Variants in EARS2 observed in about 807,000 individuals in gnomAD.
The protein encoded by EARS2 is nondiscriminating glutamyl-tRNA synthetase EARS2, mitochondrial.
EARS2 carries 50 observed loss-of-function variants against 54.1 expected under a neutral mutation model. The ratio of observed to expected loss-of-function variants is 0.92; its 90% CI spans 0.74 to 1.17. The LOEUF is 1.17. Among genes scored for constraint, EARS2 ranks in the 50% most tolerant of loss-of-function variants. EARS2 has a pLI of 0.00. For missense variants in EARS2, 673 were observed against 675.0 expected, an observed-to-expected ratio of 1.00 and a Z score of 0.03; for synonymous variants, 298 against 281.0, an observed-to-expected ratio of 1.06 and a Z score of -0.61.
At chr16:23,544,486 G>A in intron 3 of EARS2, 28 bp downstream of exon 3, 1 of 1,602,722 alleles carries the variant, frequency 6.2e-7, no homozygotes. Context: ...ATGTTGATGA[G>A]GCATCTGCAA....
At chr16:23,541,679 T>C (rs1965514393) in intron 3 of EARS2, among the ~76,000 whole-genome samples, 1 of 147,770 alleles carries the variant, frequency 6.8e-6, no homozygotes, top group Non-Finnish European at 1.5e-5. Flanking sequence ...GTTCTTTCAA[T>C]ATATATCTTT....
rs749412453 is a variant in EARS2 at position 23,552,192 on chromosome 16, C to A, written c.252G>T (p.Val84=). 1.2e-6 allele frequency: 2 copies of A among 1,614,166 alleles called. No homozygotes were observed. Among genetic ancestry groups the A allele is most frequent in the South Asian group, 1.1e-5 (1 of 91,080 alleles). ...RLEDTDQTRV[V]PGAAENIEDM... is the part of the protein sequence containing the mutation. Reference sequence around the variant, plus strand: ...CCTCAATATTCTCCGCTGCCCCAGGCACAACGCGAGTCTGATCTGTGTCCT... The same window carrying A: ...CCTCAATATTCTCCGCTGCCCCAGGAACAACGCGAGTCTGATCTGTGTCCT... The change falls in exon 2 of 9, where the codon GTG becomes GTT. Residue 84 remains valine (V), a synonymous_variant. Transcript: ENST00000449606.
intron 7 of EARS2, among the ~76,000 whole-genome samples, chr16:23,526,139 G>A (rs1447225533): frequency 3.9e-5 from 5 of 128,894 alleles, no homozygotes; most frequent in Admixed American, 8.8e-5. Context: ...TGGAGATGGA[G>A]TCTCGCTCTG....
intron 1 of EARS2, among the ~76,000 whole-genome samples, chr16:23,555,745 G>A (rs1163795686): frequency 3.3e-5 from 5 of 152,238 alleles, no homozygotes; most frequent in Non-Finnish European, 5.9e-5. Context: ...CTGCAGTGCG[G>A]TGGCACGATC....
chr16:23,531,992 T>C (rs946816403), intron 5 of EARS2, among the ~76,000 whole-genome samples: 2 of 152,138 alleles, frequency 1.3e-5, no homozygotes, highest in Non-Finnish European at 2.9e-5. Flanking sequence ...TTTGTATTTT[T>C]AGTAGAGACA....
At chr16:23,533,412 G>C (rs1383128597) in intron 4 of EARS2, among the ~76,000 whole-genome samples, 2 of 152,118 alleles carry the variant, frequency 1.3e-5, no homozygotes, top group African/African-American at 4.8e-5. Context: ...AAAGTGCTGG[G>C]ATTACAGACA....
At chr16:23,551,416 G>C (rs1334011199) in intron 2 of EARS2, among the ~76,000 whole-genome samples, 1 of 152,064 alleles carries the variant, frequency 6.6e-6, no homozygotes, top group Non-Finnish European at 1.5e-5. Flanking sequence ...AGGAGTTTGA[G>C]AATAGCTTGG....
Position 23,529,635 on chromosome 16 carries a change from G to A in EARS2, c.1222-3C>T. On this transcript the variant is annotated splice_region_variant and splice_polypyrimidine_tract_variant and intron_variant, in intron 6 of 8. Transcript: ENST00000449606. ...TCCTGCAGGCGGCAAATGTGACCCT[G>A]GGGAAGGAGGCAGTCATTGAATGCA... The A allele has an allele frequency of 6.2e-7, 1 of 1,614,002 alleles. No homozygotes were observed. The highest frequency in any genetic ancestry group is 8.5e-7 in the Non-Finnish European group (1 of 1,179,914).
intron 3 of EARS2, among the ~76,000 whole-genome samples, chr16:23,541,893 C>G (rs1028698848): frequency 1.2e-4 from 18 of 151,086 alleles, no homozygotes; most frequent in African/African-American, 4.4e-4. Flanking sequence ...GAGTCTTGCT[C>G]TGTTGCCCAG....
intron 1 of EARS2, among the ~76,000 whole-genome samples, chr16:23,554,080 G>A (rs1965738431): frequency 6.6e-6 from 1 of 152,100 alleles, no homozygotes; most frequent in Non-Finnish European, 1.5e-5. Flanking sequence ...TACAGTCACG[G>A]CTCACTGCAG....
At chr16:23,556,981 C>A (rs1446011396) in intron 1 of EARS2, 2 of 735,406 alleles carry the variant, frequency 2.7e-6, no homozygotes, top group Non-Finnish European at 4.7e-6. Context: ...AAAAAAAGAT[C>A]GAAAGAGATG....
chr16:23,535,580 T>A, intron 3 of EARS2: 2 of 586,548 alleles, frequency 3.4e-6, no homozygotes, highest in South Asian at 4.2e-5. Context: ...CCACGCTTCT[T>A]CCTTGCTAAC....
At chr16:23,543,822 C>T (rs562821511) in intron 3 of EARS2, among the ~76,000 whole-genome samples, 3 of 151,418 alleles carry the variant, frequency 2.0e-5, no homozygotes, top group Middle Eastern at 3.5e-3. Flanking sequence ...AACACCCAAA[C>T]ACATGTGACA....
intron 8 of EARS2, 93 bp from the exon 9 acceptor site, chr16:23,524,547 AG>A: frequency 9.1e-7 from 1 of 1,095,352 alleles, no homozygotes. Flanking sequence ...TTCCCAGGCC[AG>A]CCCCCACACT....
intron 3 of EARS2, among the ~76,000 whole-genome samples, chr16:23,538,358 C>T (rs369950617): frequency 2.0e-5 from 3 of 149,282 alleles, no homozygotes; most frequent in Non-Finnish European, 3.0e-5. Context: ...AAGCTGGTCT[C>T]GAATTCCTGA....
intron 3 of EARS2, among the ~76,000 whole-genome samples, chr16:23,543,601 C>T (rs1965552205): frequency 6.6e-6 from 1 of 151,780 alleles, no homozygotes; most frequent in African/African-American, 2.4e-5. Flanking sequence ...GGTGTGGTGG[C>T]GGGCACCTGT....
At chr16:23,550,156 T>C (rs1597025881) in intron 2 of EARS2, among the ~76,000 whole-genome samples, 1 of 151,416 alleles carries the variant, frequency 6.6e-6, no homozygotes, top group African/African-American at 2.4e-5. Flanking sequence ...AGGTCAGGGG[T>C]TCAACAGCAG....
At chr16:23,545,358 A>G (rs1222624599) in intron 2 of EARS2, 1 of 152,112 alleles carries the variant, frequency 6.6e-6, no homozygotes, top group African/African-American at 2.4e-5. Context: ...CATGGTTCAG[A>G]GAACAGCCCA....
At chr16:23,545,679 C>A (rs1365974403) in intron 2 of EARS2, among the ~76,000 whole-genome samples, 1 of 152,130 alleles carries the variant, frequency 6.6e-6, no homozygotes, top group African/African-American at 2.4e-5. Flanking sequence ...CTTTCTTTTT[C>A]TAAGAGATGG....
Sources: allele counts gnomAD v4.1 joint callset (sites outside exome capture counted in the v4.1 genomes callset), GRCh38; gene constraint gnomAD v4.1.1; transcripts MANE v1.5; gene names NCBI Gene and HGNC (gene_info 2026-07-23, HGNC 2026-07-21).